Variants in SUSD4 observed in about 807,000 individuals in gnomAD.
The protein encoded by SUSD4 is sushi domain-containing protein 4.
In SUSD4, 41 loss-of-function variants were observed where a neutral mutation model predicts 50.5. That is an observed-to-expected ratio of 0.81 (90% CI 0.63 to 1.05). SUSD4 has a LOEUF of 1.05. Among genes scored for constraint, SUSD4 ranks in the 50% least tolerant of loss-of-function variants. The pLI is 0.00. For synonymous variants in SUSD4, 257 were observed against 257.3 expected (o/e 1.00, Z 0.01); for missense variants, 580 against 634.7 (o/e 0.91, Z 0.93).
At chr1:223,241,485 G>A (rs971476219) in intron 5 of SUSD4, among the ~76,000 whole-genome samples, 13 of 152,158 alleles carry the variant, frequency 8.5e-5, no homozygotes, top group African/African-American at 1.4e-4. Flanking sequence ...CAGGTAAGCC[G>A]TGACTCTCTT....
chr1:223,270,305 C>G (rs1049139251), intron 3 of SUSD4, among the ~76,000 whole-genome samples: 5 of 152,136 alleles, frequency 3.3e-5, no homozygotes, highest in Non-Finnish European at 5.9e-5. Context: ...GACCCTCCCA[C>G]CATGCTTCTG....
chr1:223,360,497 C>T (rs1668913714), intron 2 of SUSD4, among the ~76,000 whole-genome samples: 1 of 152,208 alleles, frequency 6.6e-6, no homozygotes, highest in South Asian at 2.1e-4. Flanking sequence ...CAAACATCAT[C>T]TCAGGACAAG....
Position 223,360,386 on chromosome 1 carries a change from C to T in SUSD4, c.148+2892G>A, listed in dbSNP as rs188352587. 1.1e-4 allele frequency: 39 copies of T among 348,388 alleles called. No individual in the cohort carries two copies. In the East Asian group the frequency reaches 2.9e-3, roughly 26 times the overall value. The allele number at this position is 348,388 out of a possible 1,614,324, so 21.6% of individuals were successfully genotyped here. ...CACACACGGCAGGGTCCTATATCTC[C>T]CCACCAACCTAATATGAGTTCTTGC... On this transcript the variant is annotated intron_variant, in intron 2 of 8. Transcript: ENST00000366878.
Position 223,243,254 on chromosome 1 carries a change from G to A in SUSD4, c.725-13866C>T, listed in dbSNP as rs183921830. On this transcript the variant is annotated intron_variant, in intron 5 of 8. Transcript: ENST00000366878. The stretch of plus-strand genomic sequence containing the variant: ...GGCCTGCGATGCACATCTGCCCCAC[G>A]GGTTTAAGGAAGCAGGGCTGGGCTG... Among the ~76,000 whole-genome samples, 121 of 152,308 alleles carry A rather than the reference G, an allele frequency of 7.9e-4. 2 individuals carry two copies. Among genetic ancestry groups the A allele is most frequent in the East Asian group, 5.4e-3 (28 of 5,170 alleles).
intron 2 of SUSD4, among the ~76,000 whole-genome samples, chr1:223,347,626 T>C (rs1236712881): frequency 1.4e-5 from 2 of 141,566 alleles, no homozygotes; most frequent in African/African-American, 5.3e-5. Context: ...GCCTTAATTA[T>C]TTCATGCACG....
intron 2 of SUSD4, among the ~76,000 whole-genome samples, chr1:223,313,528 A>C (rs1307164524): frequency 6.6e-6 from 1 of 152,290 alleles, no homozygotes; most frequent in African/African-American, 2.4e-5. Context: ...CTAGTAAATT[A>C]TGAAACCTGA....
At chr1:223,276,192 C>A (rs1386328282) in intron 3 of SUSD4, among the ~76,000 whole-genome samples, 1 of 152,230 alleles carries the variant, frequency 6.6e-6, no homozygotes, top group East Asian at 1.9e-4. Flanking sequence ...CTGGGGAAAT[C>A]CCCCCAAGTC....
intron 2 of SUSD4, among the ~76,000 whole-genome samples, chr1:223,296,320 G>A (rs1226051487): frequency 1.3e-5 from 2 of 152,164 alleles, no homozygotes; most frequent in South Asian, 2.1e-4. Flanking sequence ...TGGCATCAAT[G>A]TCAGGGTAGA....
intron 2 of SUSD4, among the ~76,000 whole-genome samples, chr1:223,355,591 AATGT>A (rs1375612823): frequency 6.6e-6 from 1 of 152,144 alleles, no homozygotes; most frequent in Non-Finnish European, 1.5e-5. Flanking sequence ...GTATTTTATA[AATGT>A]AATCAGACCC....
chr1:223,355,084 T>C (rs1473561193), intron 2 of SUSD4, among the ~76,000 whole-genome samples: 1 of 152,044 alleles, frequency 6.6e-6, no homozygotes, highest in Admixed American at 6.6e-5. Flanking sequence ...AGCTAATTTT[T>C]TTTTTTTTCA....
rs115334342 is a variant in SUSD4, at chr1:223,263,681, C to T, written c.724+949G>A. ...ACCCCACTCCACATCCCTAGAGAGGCCGTCTCTGATCCTTCTGAGCAATAG... is the reference window on the plus strand; with the variant it reads ...ACCCCACTCCACATCCCTAGAGAGGTCGTCTCTGATCCTTCTGAGCAATAG... On this transcript the variant is annotated intron_variant, in intron 5 of 8. Coordinates refer to ENST00000366878, the MANE Select transcript of SUSD4 (RefSeq NM_017982.4). 1.4e-3 allele frequency: 1,412 copies of T among 985,390 alleles called. 21 individuals carry two copies. The African/African-American group carries it at 0.022, about 15-fold the overall frequency. The allele number at this position is 985,390 out of a possible 1,614,324, so 61.0% of individuals were successfully genotyped here. A position where few individuals can be genotyped will look rare whatever the true frequency, so the allele number is the denominator to read the frequency against.
intron 2 of SUSD4, among the ~76,000 whole-genome samples, chr1:223,317,451 C>T (rs976684139): frequency 6.6e-6 from 1 of 152,184 alleles, no homozygotes; most frequent in Middle Eastern, 3.2e-3. Flanking sequence ...TTTCACTTTA[C>T]TCTATGGACT....
At chr1:223,360,016 C>CT (rs763434095) in intron 2 of SUSD4, among the ~76,000 whole-genome samples, 3 of 152,102 alleles carry the variant, frequency 2.0e-5, no homozygotes, top group Non-Finnish European at 2.9e-5. Context: ...CTCCGCCCTA[C>CT]TATTATTTAC....
chr1:223,274,988 TG>T (rs1663159802), intron 3 of SUSD4, among the ~76,000 whole-genome samples: 1 of 152,250 alleles, frequency 6.6e-6, no homozygotes, highest in African/African-American at 2.4e-5. Context: ...GACTGTTCAG[TG>T]CTGTGTACAC....
intron 5 of SUSD4, among the ~76,000 whole-genome samples, chr1:223,249,614 G>GT (rs1313297833): frequency 6.6e-6 from 1 of 152,154 alleles, no homozygotes; most frequent in African/African-American, 2.4e-5. Context: ...ATGCTTCAGT[G>GT]TATGTGTGTA....
intron 2 of SUSD4, among the ~76,000 whole-genome samples, chr1:223,361,545 G>A (rs963107751): frequency 5.9e-5 from 9 of 152,150 alleles, no homozygotes; most frequent in African/African-American, 1.2e-4. Context: ...ACTGTCATAA[G>A]ACCGAGGTGG....
intron 2 of SUSD4, among the ~76,000 whole-genome samples, chr1:223,313,139 G>C (rs1319404904): frequency 2.6e-5 from 4 of 152,180 alleles, no homozygotes; most frequent in East Asian, 3.9e-4. Context: ...TTATGCTAAA[G>C]AGGTGACTCA....
chr1:223,316,642 G>A (rs1217226042), intron 2 of SUSD4, among the ~76,000 whole-genome samples: 1 of 152,144 alleles, frequency 6.6e-6, no homozygotes, highest in Non-Finnish European at 1.5e-5. Flanking sequence ...GGAACTACTA[G>A]GTCAGAACCA....
At chr1:223,352,752 C>G (rs1668436982) in intron 2 of SUSD4, among the ~76,000 whole-genome samples, 1 of 152,156 alleles carries the variant, frequency 6.6e-6, no homozygotes, top group African/African-American at 2.4e-5. Context: ...TGAGAGGAGG[C>G]AGTCAACAAC....
Sources: allele counts gnomAD v4.1 joint callset (sites outside exome capture counted in the v4.1 genomes callset), GRCh38; gene constraint gnomAD v4.1.1; transcripts MANE v1.5; gene names NCBI Gene and HGNC (gene_info 2026-07-23, HGNC 2026-07-21).